Variants in QRICH2 observed in about 807,000 individuals in gnomAD.
The protein encoded by QRICH2 is glutamine-rich protein 2.
QRICH2 carries 119 observed loss-of-function variants against 168.3 expected under a neutral mutation model. The ratio of observed to expected loss-of-function variants is 0.71; its 90% CI spans 0.61 to 0.82. The LOEUF (loss-of-function observed/expected upper bound fraction) is 0.82. Ranked by LOEUF, QRICH2 falls within the 40% of genes least tolerant of loss-of-function variation. The pLI, the probability that QRICH2 is intolerant of heterozygous loss-of-function variation, is 0.00. For synonymous variants in QRICH2, 894 were observed against 951.2 expected, an observed-to-expected ratio of 0.94 and a Z score of 1.11; for missense variants, 2,241 against 2,491.6, an observed-to-expected ratio of 0.90 and a Z score of 2.14.
Position 76,291,740 on chromosome 17 carries a change from G to T in QRICH2, c.2987C>A (p.Ala996Glu). The change falls in exon 4 of 19, where the codon GCA becomes GAA. Residue 996 changes from alanine (A) to glutamate (E), a missense_variant. This residue lies in a region of QRICH2 where 2,047 missense variants were observed against 2,303.8 expected (regional missense o/e 0.89). Transcript: ENST00000680821. The stretch of plus-strand genomic sequence containing the variant: ...TACTGATATAAAACCTGTAGAATCT[G>T]CCTGGAATGTTGAAGAGCCACGAAG... ...TKLRGSSTFQ[A>E]DSTGFISVRP... is the part of the protein sequence containing the mutation. 2 of 1,614,184 alleles carry T rather than the reference G, an allele frequency of 1.2e-6. No individual in the cohort carries two copies. Among genetic ancestry groups the T allele is most frequent in the Non-Finnish European group, 1.7e-6 (2 of 1,180,036 alleles).
rs775529798 is a variant in QRICH2 at position 76,293,693 on chromosome 17, C to T, written c.1034G>A (p.Arg345Lys). 2 of 1,614,186 alleles carry T rather than the reference C, an allele frequency of 1.2e-6. No individual in the cohort carries two copies. Among genetic ancestry groups the T allele is most frequent in the Non-Finnish European group, 1.7e-6 (2 of 1,180,048 alleles). ...FKSDSDRHRS[R>K]EKLTSTQPRR... ...TGGTTGTGTCGAGGTAAGCTTCTCT[C>T]TACTCCTGTGACGATCTGAGTCTGA... is the stretch of plus-strand genomic sequence containing the variant. Residue 345 changes from arginine to lysine, a missense_variant, in exon 4 of 19, where the codon AGA becomes AAA. This residue lies in a region of QRICH2 where 2,047 missense variants were observed against 2,303.8 expected (regional missense o/e 0.89). Coordinates refer to ENST00000680821, the MANE Select transcript of QRICH2 (RefSeq NM_001388453.1).
In QRICH2 at chr17:76,279,136, G is replaced by A; in HGVS notation, c.4821C>T (p.Ile1607=). 1 of 1,612,110 alleles carries A rather than the reference G, an allele frequency of 6.2e-7. No homozygotes were observed. The highest frequency in any genetic ancestry group is 1.1e-5 in the South Asian group (1 of 90,874). ...PLETPVTGHA[I]PVTPAGPGLP... ...GGCCTGGACCCGCGGGGGTCACGGG[G>A]ATGGCACTGGGCAGGGACAGAGGGA... is the stretch of plus-strand genomic sequence containing the variant. The change falls in exon 14 of 19, where the codon ATC becomes ATT. Residue 1607 remains isoleucine, a synonymous_variant. Coordinates refer to ENST00000680821, the MANE Select transcript of QRICH2 (RefSeq NM_001388453.1).
chr17:76,277,374 C>G, intron 15 of QRICH2, 64 bp from the exon 16 acceptor site: 1 of 1,565,264 alleles, frequency 6.4e-7, no homozygotes, highest in Non-Finnish European at 8.7e-7. Context: ...TGGGACTCAC[C>G]CACCCATGGG....
rs752635062 is a variant in QRICH2 at position 76,293,405 on chromosome 17, C to T, written c.1322G>A (p.Arg441His). 2.2e-5 allele frequency: 35 copies of T among 1,614,078 alleles called. No homozygotes were observed. The highest frequency in any genetic ancestry group is 4.0e-5 in the African/African-American group (3 of 74,932). ...GCCAGGTACTGATGGTGGCAACATA[C>T]GTTGCTCATCCACGACAAATGGTAT... ...ELIPFVVDEQ[R>H]MLPPSVPGRD... Residue 441 changes from arginine to histidine, a missense_variant, in exon 4 of 19, where the codon CGT (arginine) becomes CAT (histidine). Transcript: ENST00000680821.
rs776552227 is a variant in QRICH2 at position 76,279,345 on chromosome 17, G to T, written c.4814+18C>A. 2 of 1,607,526 alleles carry T rather than the reference G, an allele frequency of 1.2e-6. No homozygotes were observed. Among genetic ancestry groups the T allele is most frequent in the Non-Finnish European group, 1.7e-6 (2 of 1,176,034 alleles). ...GCCCTGCCATGCGAGGCCACGTGCC[G>T]GCGGTGTGGGCACTCACTGTCCAGT... On this transcript the variant is annotated intron_variant, in intron 13 of 18. Coordinates refer to ENST00000680821, the MANE Select transcript of QRICH2 (RefSeq NM_001388453.1).
chr17:76,292,786 C>T lies in QRICH2; in HGVS notation c.1941G>A (p.Gln647=), dbSNP rs753308455. Residue 647 remains glutamine, a synonymous_variant, in exon 4 of 19, where the codon CAG becomes CAA. Coordinates refer to ENST00000680821, the MANE Select transcript of QRICH2 (RefSeq NM_001388453.1). The part of the protein sequence containing the change: ...QHGLIQPGTG[Q]HDLVQSGTGQ... ...CTGTGCCAGATTGGACCAAATCATG[C>T]TGACCTGTGCCAGGCTGGATCAAAC... is the stretch of plus-strand genomic sequence containing the variant. The T allele has an allele frequency of 5.6e-5, 90 of 1,613,798 alleles. 1 individual carries two copies. Among genetic ancestry groups the T allele is most frequent in the African/African-American group, 4.7e-4 (35 of 74,816 alleles).
Position 76,277,256 on chromosome 17 carries a change from G to GC in QRICH2, c.5171dup (p.Ser1725GlnfsTer24). The GC allele has an allele frequency of 1.2e-6, 2 of 1,601,594 alleles. No homozygotes were observed. Among genetic ancestry groups the GC allele is most frequent in the East Asian group, 2.3e-5 (1 of 44,120 alleles). On this transcript the variant is annotated frameshift_variant, in exon 16 of 19. Coordinates refer to ENST00000680821, the MANE Select transcript of QRICH2 (RefSeq NM_001388453.1). LOFTEE classifies it high-confidence loss of function. ...GGTAGGGGTAGGTGAGGGTGTGGCT[G>GC]CCCCCGCAGCGCCGGGGCACAGTTG...
rs200981552 is a variant in QRICH2 at position 76,278,020 on chromosome 17, C to T, written c.5086G>A (p.Ala1696Thr). The change falls in exon 15 of 19, where the codon GCC (alanine) becomes ACC (threonine). Residue 1696 changes from alanine (A) to threonine (T), a missense_variant. Physicochemically the swap from Ala to Thr is moderately conservative, Grantham distance 58. Around this residue, in one of 3 missense-constraint regions of QRICH2, gnomAD observed 2,047 missense variants for 2,303.8 expected, o/e 0.89. Transcript: ENST00000680821. Reference protein sequence around the residue: ...SSQIIRELLHAQCLGSPCYKR... With the variant: ...SSQIIRELLHTQCLGSPCYKR... Reference sequence around the variant, plus strand: ...TAGCAGGGGGAGCCCAGGCACTGGGCGTGCAGCAGCTCGCGGATTATCTGG... The same window carrying T: ...TAGCAGGGGGAGCCCAGGCACTGGGTGTGCAGCAGCTCGCGGATTATCTGG... The T allele has an allele frequency of 5.0e-6, 8 of 1,613,198 alleles. No homozygotes were observed. The highest frequency in any genetic ancestry group is 1.6e-4 in the Middle Eastern group (1 of 6,062).
At position 76,277,234 on chromosome 17, in the gene QRICH2, AG is replaced by A; in HGVS notation, c.5193del (p.Tyr1732ThrfsTer23). ...AGGTGCTGCGGGCGGCTGCGGTGGT[AG>A]GGGTAGGTGAGGGTGTGGCTGCCCC... ...RCGGSHTLTY[P>X]YHRSRPQHLP... On this transcript the variant is annotated frameshift_variant, in exon 16 of 19. Transcript: ENST00000680821. LOFTEE classifies it high-confidence loss of function. 1 of 1,602,008 alleles carries A rather than the reference AG, an allele frequency of 6.2e-7. No homozygotes were observed. Among genetic ancestry groups the A allele is most frequent in the Non-Finnish European group, 8.5e-7 (1 of 1,176,746 alleles).
intron 16 of QRICH2, 74 bp from the exon 17 acceptor site, chr17:76,276,841 G>T: frequency 8.4e-7 from 1 of 1,189,036 alleles, no homozygotes; most frequent in Non-Finnish European, 1.2e-6. Context: ...ACGGGACTGA[G>T]GCACAGAGCA....
At chr17:76,285,064 C>T (rs1210071280) in intron 7 of QRICH2, among the ~76,000 whole-genome samples, 1 of 151,564 alleles carries the variant, frequency 6.6e-6, no homozygotes, top group East Asian at 2.0e-4. Context: ...AAGTGATTCT[C>T]CTACCTCAGC....
At position 76,301,270 on chromosome 17, in the gene QRICH2, G is replaced by A. The variant is rs551712437; in HGVS notation, c.705+3145C>T. ...ATTACAACAAATGAGCCAAAATCTTGAACAAAATATATGATAGGCCAGGGC... is the reference window on the plus strand; with the variant it reads ...ATTACAACAAATGAGCCAAAATCTTAAACAAAATATATGATAGGCCAGGGC... On this transcript the variant is annotated intron_variant, in intron 3 of 18. Coordinates refer to ENST00000680821, the MANE Select transcript of QRICH2 (RefSeq NM_001388453.1). Among the ~76,000 whole-genome samples, 16 of 150,866 alleles carry A rather than the reference G, an allele frequency of 1.1e-4. 2 individuals carry two copies. The South Asian group carries it at 3.4e-3, about 32-fold the overall frequency.
chr17:76,280,805 A>G lies in QRICH2; in HGVS notation c.4386+26T>C, dbSNP rs773696653. Reference sequence around the variant, plus strand: ...GGGCACCACATTGAGCCCCGGCCCCATCCCAGCCACCCTGCGGCCGCTCAC... The same window carrying G: ...GGGCACCACATTGAGCCCCGGCCCCGTCCCAGCCACCCTGCGGCCGCTCAC... On this transcript the variant is annotated intron_variant, in intron 9 of 18. Coordinates refer to ENST00000680821, the MANE Select transcript of QRICH2 (RefSeq NM_001388453.1). The surrounding 1 kb of genome is among the most constrained non-coding windows in gnomAD (Gnocchi z 7.4). The G allele has an allele frequency of 6.2e-7, 1 of 1,614,032 alleles. No individual in the cohort carries two copies. The highest frequency in any genetic ancestry group is 8.5e-7 in the Non-Finnish European group (1 of 1,180,012).
At chr17:76,284,645 C>T (rs1350089423) in intron 7 of QRICH2, among the ~76,000 whole-genome samples, 3 of 151,924 alleles carry the variant, frequency 2.0e-5, no homozygotes, top group Non-Finnish European at 4.4e-5. Flanking sequence ...GGTGAAACCC[C>T]GTCTCTACTG....
chr17:76,275,695 T>TCCCCC, intron 18 of QRICH2, 124 bp downstream of exon 18: 1 of 1,255,378 alleles, frequency 8.0e-7, no homozygotes, highest in Non-Finnish European at 1.1e-6. Flanking sequence ...TCCACACCCA[T>TCCCCC]CCCCCCCTTC....
chr17:76,286,038 G>A (rs1598485219), intron 7 of QRICH2, among the ~76,000 whole-genome samples: 2 of 152,022 alleles, frequency 1.3e-5, no homozygotes, highest in South Asian at 4.1e-4. Context: ...AGCCGGGCGT[G>A]GTGGCAGGTG....
rs750579146 is a variant in QRICH2, at chr17:76,274,110, G to C, written c.5633C>G (p.Thr1878Arg). ...MPPGEGLEEP[T>R]RGPRSSTAQ ...AGCGGTGCTGGACCGCGGCCCCCGC[G>C]TGGGCTCCTCGAGCCCCTCCCCAGG... The change falls in exon 19 of 19, where the codon ACG becomes AGG. Residue 1878 changes from threonine (T) to arginine (R), a missense_variant. This residue lies in a region of QRICH2 where 189 missense variants were observed against 169.3 expected (regional missense o/e 1.12). Coordinates refer to ENST00000680821, the MANE Select transcript of QRICH2 (RefSeq NM_001388453.1). 1 of 1,583,774 alleles carries C rather than the reference G, an allele frequency of 6.3e-7. No homozygotes were observed.
intron 3 of QRICH2, among the ~76,000 whole-genome samples, chr17:76,302,210 T>C (rs892620045): frequency 6.6e-6 from 1 of 151,958 alleles, no homozygotes; most frequent in Non-Finnish European, 1.5e-5. Flanking sequence ...ACTCATTATT[T>C]ATAATTCCTG....
upstream of QRICH2, chr17:76,310,007 A>G (rs2071053063): frequency 7.1e-6 from 1 of 140,050 alleles, no homozygotes; most frequent in African/African-American, 2.9e-5. Context: ...TTTTTTTGAG[A>G]TGGAATCTTG....
Sources: gnomAD v4.1 joint callset for allele counts (sites outside exome capture counted in the v4.1 genomes callset) on GRCh38, gnomAD v4.1.1 for gene constraint, gnomAD v4.1.1 regional missense constraint, Gnocchi (gnomAD v3.1) non-coding constraint, MANE v1.5 for transcripts, NCBI Gene and HGNC (gene_info 2026-07-23, HGNC 2026-07-21) for gene names.